AMDHD1: variants seen among roughly 807,000 people sequenced by gnomAD.
The protein encoded by AMDHD1 is probable imidazolonepropionase.
Under a neutral mutation model 44.1 loss-of-function variants are expected in AMDHD1, and 45 were observed. The ratio of observed to expected loss-of-function variants is 1.02; its 90% CI spans 0.80 to 1.31. The LOEUF (loss-of-function observed/expected upper bound fraction) is 1.31, where lower values mean the gene tolerates loss of function less well. AMDHD1 is among the 50% of genes most tolerant of loss of function. The pLI is 0.00. For synonymous variants in AMDHD1, 206 were observed against 205.0 expected, an observed-to-expected ratio of 1.00 and a Z score of -0.04; for missense variants, 586 against 552.1, an observed-to-expected ratio of 1.06 and a Z score of -0.61.
At chr12:95,953,094 G>A (rs1444122226) in intron 2 of AMDHD1, among the ~76,000 whole-genome samples, 1 of 152,070 alleles carries the variant, frequency 6.6e-6, no homozygotes, top group Non-Finnish European at 1.5e-5. Flanking sequence ...TGTTACCCAA[G>A]GTTCCTAAAC....
chr12:95,945,324 G>A (rs1407494524), intron 1 of AMDHD1, among the ~76,000 whole-genome samples: 2 of 151,992 alleles, frequency 1.3e-5, no homozygotes, highest in Non-Finnish European at 2.9e-5. Context: ...ACAGTTTGTT[G>A]GATTTATTAC....
Position 95,967,977 on chromosome 12 carries a change from C to G in AMDHD1, c.*134C>G. ...TGTACTTCAATGTCTTTTTAAGTCA[C>G]TCAAAAAACCCAAGGGATAGATTTA... On this transcript the variant is annotated 3_prime_UTR_variant, in exon 9 of 9. Coordinates refer to ENST00000266736, the MANE Select transcript of AMDHD1 (RefSeq NM_152435.3). The G allele has an allele frequency of 1.6e-6, 1 of 613,728 alleles. No homozygotes were observed. The highest frequency in any genetic ancestry group is 3.2e-5 in the East Asian group (1 of 31,068). 38.0% of individuals were successfully genotyped at this position (613,728 alleles called of 1,614,324 possible). A position where few individuals can be genotyped will look rare whatever the true frequency, so the allele number is the denominator to read the frequency against.
intron 6 of AMDHD1, among the ~76,000 whole-genome samples, chr12:95,962,732 C>T (rs1446731316): frequency 6.6e-6 from 1 of 151,710 alleles, no homozygotes; most frequent in Non-Finnish European, 1.5e-5. Context: ...TTTTCTTTTT[C>T]TTTTTTTTCA....
In AMDHD1 at chr12:95,960,615, G is replaced by T; in HGVS notation, c.805G>T (p.Ala269Ser). Residue 269 changes from alanine (A) to serine (S), a missense_variant, in exon 5 of 9, where the codon GCT becomes TCT. Coordinates refer to ENST00000266736, the MANE Select transcript of AMDHD1 (RefSeq NM_152435.3). ...TGGGGATGAACTCCACCCGATGAAG[G>T]CTGCTGAGGTGTGGTTGACTTTTAG... ...FHGDELHPMKAAELGAELGAQ... is the reference protein window; with the variant it reads ...FHGDELHPMKSAELGAELGAQ... 6.2e-7 allele frequency: 1 copy of T among 1,613,314 alleles called. No homozygotes were observed. Among genetic ancestry groups the T allele is most frequent in the Non-Finnish European group, 8.5e-7 (1 of 1,179,372 alleles).
chr12:95,963,899 C>T (rs9634182), intron 6 of AMDHD1, among the ~76,000 whole-genome samples: 70,192 of 151,596 alleles, frequency 0.46, 17,017 homozygotes, highest in African/African-American at 0.59. Flanking sequence ...CATGGTGGCG[C>T]GCGCCTGTAG....
At chr12:95,961,902 T>C (rs1398819701) in intron 5 of AMDHD1, among the ~76,000 whole-genome samples, 1 of 152,224 alleles carries the variant, frequency 6.6e-6, no homozygotes, top group Non-Finnish European at 1.5e-5. Context: ...CCTTTACCCA[T>C]TTGGGGGATT....
rs755360618 is a variant in AMDHD1, at chr12:95,968,237, A to T, written c.*394A>T. ...TATTTAGTGAACATTGAGGGATCGA[A>T]AGAAATCTAAGTGATACGCCCCAAT... On this transcript the variant is annotated 3_prime_UTR_variant, in exon 9 of 9. Coordinates refer to ENST00000266736, the MANE Select transcript of AMDHD1 (RefSeq NM_152435.3). The T allele has an allele frequency of 2.0e-4, 32 of 160,412 alleles. No homozygotes were observed. Among genetic ancestry groups the T allele is most frequent in the Admixed American group, 3.9e-4 (6 of 15,410 alleles). The allele number at this position is 160,412 out of a possible 1,614,324, so 9.9% of individuals were successfully genotyped here.
In AMDHD1 at chr12:95,965,797, G is replaced by A. The variant is rs767317322; in HGVS notation, c.1032+18G>A. The A allele has an allele frequency of 7.2e-6, 11 of 1,521,918 alleles. No individual in the cohort carries two copies. Among genetic ancestry groups the A allele is most frequent in the African/African-American group, 1.4e-5 (1 of 72,800 alleles). The allele number at this position is 1,521,918 out of a possible 1,614,324, so 94.3% of individuals were successfully genotyped here. On this transcript the variant is annotated intron_variant, in intron 7 of 8. Coordinates refer to ENST00000266736, the MANE Select transcript of AMDHD1 (RefSeq NM_152435.3). Reference sequence around the variant, plus strand: ...TTTCAATGGTAATTATTTTTTTCATGTACCTTTCTGAGCAGAGTATCTACC... The same window carrying A: ...TTTCAATGGTAATTATTTTTTTCATATACCTTTCTGAGCAGAGTATCTACC...
chr12:95,943,350 C>A lies in AMDHD1; in HGVS notation c.-49C>A. 1.4e-5 allele frequency: 20 copies of A among 1,437,414 alleles called. No individual in the cohort carries two copies. Among genetic ancestry groups the A allele is most frequent in the Non-Finnish European group, 1.5e-5 (17 of 1,100,394 alleles). 89.0% of individuals were successfully genotyped at this position (1,437,414 alleles called of 1,614,324 possible). A position where few individuals can be genotyped will look rare whatever the true frequency, so the allele number is the denominator to read the frequency against. On this transcript the variant is annotated 5_prime_UTR_variant, in exon 1 of 9. Coordinates refer to ENST00000266736, the MANE Select transcript of AMDHD1 (RefSeq NM_152435.3). ...CTTTTCGTCCTCCACTGAGTCCTGC[C>A]GGTGGCCCGAGCCCGGTGGCCTCCC...
intron 1 of AMDHD1, among the ~76,000 whole-genome samples, chr12:95,945,794 T>C (rs1329169085): frequency 7.0e-5 from 10 of 143,632 alleles, no homozygotes; most frequent in African/African-American, 1.8e-4. Flanking sequence ...TTTTTTTTTT[T>C]CCCAACAAGT....
At chr12:95,949,373 C>G (rs1462473124) in intron 1 of AMDHD1, among the ~76,000 whole-genome samples, 1 of 152,156 alleles carries the variant, frequency 6.6e-6, no homozygotes, top group Non-Finnish European at 1.5e-5. Flanking sequence ...TTACTGTTTT[C>G]ATTATAATTA....
chr12:95,960,935 A>G (rs1565978753), intron 5 of AMDHD1, among the ~76,000 whole-genome samples: 1 of 152,160 alleles, frequency 6.6e-6, no homozygotes, highest in East Asian at 1.9e-4. Context: ...GTTGATCACG[A>G]GGTCAGGAGT....
intron 6 of AMDHD1, among the ~76,000 whole-genome samples, chr12:95,965,150 T>A (rs2080603099): frequency 6.6e-6 from 1 of 151,598 alleles, no homozygotes; most frequent in Non-Finnish European, 1.5e-5. Context: ...AATATAAAAA[T>A]TACCTGGGCG....
rs369315008 is a variant in AMDHD1, at chr12:95,965,596, G to T, written c.939-90G>T. On this transcript the variant is annotated intron_variant, in intron 6 of 8. Coordinates refer to ENST00000266736, the MANE Select transcript of AMDHD1 (RefSeq NM_152435.3). ...GCTTCTTCTTCCAGAATATGAAGGC[G>T]TTGACTGTCTCAAGTTCTCTTCTGT... is the stretch of plus-strand genomic sequence containing the variant. The T allele has an allele frequency of 1.4e-3, 1,021 of 740,634 alleles. 19 individuals are homozygous for T. The South Asian group carries it at 0.019, about 14-fold the overall frequency. 45.9% of individuals were successfully genotyped at this position (740,634 alleles called of 1,614,324 possible). A position where few individuals can be genotyped will look rare whatever the true frequency, so the allele number is the denominator to read the frequency against.
intron 4 of AMDHD1, among the ~76,000 whole-genome samples, chr12:95,958,070 T>A (rs1054347604): frequency 2.0e-5 from 3 of 151,290 alleles, no homozygotes; most frequent in Admixed American, 6.6e-5. Flanking sequence ...ATATATATAT[T>A]TTTTTAATTG....
At chr12:95,950,664 C>T (rs2080521792) in intron 1 of AMDHD1, among the ~76,000 whole-genome samples, 2 of 152,194 alleles carry the variant, frequency 1.3e-5, no homozygotes, top group African/African-American at 2.4e-5. Flanking sequence ...CCATGCATGG[C>T]CCACTTTCTT....
rs751966597 is a variant in AMDHD1 at position 95,966,497 on chromosome 12, C to T, written c.1182C>T (p.Ile394=). 1 of 1,614,220 alleles carries T rather than the reference C, an allele frequency of 6.2e-7. No individual in the cohort carries two copies. The highest frequency in any genetic ancestry group is 1.1e-5 in the South Asian group (1 of 91,082). ...GCAAACAGGGAGATCTCATTATCAT[C>T]AATTCATCCCGGTGAGTGTGCTTCA... ...EVGKQGDLII[I]NSSRWEHLIY... The change falls in exon 8 of 9, where the codon ATC becomes ATT. Residue 394 remains isoleucine (I), a synonymous_variant. Transcript: ENST00000266736.
At chr12:95,951,429 T>C (rs2080525477) in intron 1 of AMDHD1, among the ~76,000 whole-genome samples, 2 of 152,234 alleles carry the variant, frequency 1.3e-5, no homozygotes, top group South Asian at 4.1e-4. Context: ...CTCACTCTTT[T>C]TTATGGCTGA....
intron 1 of AMDHD1, among the ~76,000 whole-genome samples, chr12:95,949,794 CT>C (rs1313628336): frequency 1.3e-5 from 2 of 152,026 alleles, no homozygotes; most frequent in Non-Finnish European, 2.9e-5. Flanking sequence ...TAATGACTAC[CT>C]TAAAAAAACA....
Sources: gnomAD v4.1 joint callset for allele counts (sites outside exome capture counted in the v4.1 genomes callset) on GRCh38, gnomAD v4.1.1 for gene constraint, MANE v1.5 for transcripts, NCBI Gene and HGNC (gene_info 2026-07-23, HGNC 2026-07-21) for gene names.